GPC3: variants seen among roughly 807,000 people sequenced by gnomAD.
GPC3 encodes glypican-3.
A neutral mutation model predicts 34.4 loss-of-function variants in GPC3; 3 were observed. The ratio of observed to expected loss-of-function variants is 0.09; its 90% CI spans 0.04 to 0.23. The LOEUF is 0.23. GPC3 is among the 10% of genes least tolerant of loss of function. GPC3 has a pLI of 1.00. For missense variants in GPC3, 351 were observed against 445.6 expected (o/e 0.79, Z 1.91); for synonymous variants, 177 against 174.0 (o/e 1.02, Z -0.13).
intron 5 of GPC3, among the ~76,000 whole-genome samples, chrX:133,673,265 A>G (rs1417807537): frequency 2.7e-5 from 3 of 112,676 alleles, no homozygotes; most frequent in African/African-American, 9.7e-5. Context: ...GTTAGATTTT[A>G]ATTGATGAAA....
At chrX:133,745,162 A>T (rs886337350) in intron 3 of GPC3, among the ~76,000 whole-genome samples, 7 of 111,933 alleles carry the variant, frequency 6.3e-5, no homozygotes, top group African/African-American at 1.9e-4. Context: ...AAGTTTATTT[A>T]AAAAAAGGCA....
intron 7 of GPC3, among the ~76,000 whole-genome samples, chrX:133,587,147 T>G (rs1301581600): frequency 8.9e-6 from 1 of 112,089 alleles, no homozygotes; most frequent in East Asian, 2.8e-4. Context: ...CAACTTTTTT[T>G]AGTTTTCATA....
chrX:133,774,696 T>C (rs1454193093), intron 2 of GPC3, among the ~76,000 whole-genome samples: 1 of 111,967 alleles, frequency 8.9e-6, no homozygotes, highest in Admixed American at 9.5e-5. Flanking sequence ...ACAATGGCTC[T>C]ATATGGTAAG....
intron 2 of GPC3, among the ~76,000 whole-genome samples, chrX:133,849,569 T>C (rs376106723): frequency 2.7e-5 from 3 of 111,292 alleles, no homozygotes; most frequent in South Asian, 3.8e-4. Flanking sequence ...TTGGTAAGCT[T>C]CCCTTCGACC....
At chrX:133,719,561 T>C (rs1431530668) in intron 3 of GPC3, among the ~76,000 whole-genome samples, 1 of 111,267 alleles carries the variant, frequency 9.0e-6, no homozygotes, top group African/African-American at 3.3e-5. Context: ...TGCACCAGCA[T>C]GGCACATGTA....
intron 2 of GPC3, among the ~76,000 whole-genome samples, chrX:133,873,293 G>A (rs145279771): frequency 8.9e-6 from 1 of 111,848 alleles, no homozygotes; most frequent in South Asian, 3.7e-4. Context: ...ATTATCCTTC[G>A]GCATTCTTTT....
chrX:133,729,561 C>G (rs1318577952), intron 3 of GPC3, among the ~76,000 whole-genome samples: 1 of 111,859 alleles, frequency 8.9e-6, no homozygotes, highest in Non-Finnish European at 1.9e-5. Context: ...CAGGTGCTGG[C>G]TTTTTCATCT....
chrX:133,915,909 G>A (rs2076222097), intron 2 of GPC3, among the ~76,000 whole-genome samples: 1 of 110,982 alleles, frequency 9.0e-6, no homozygotes, highest in South Asian at 3.9e-4. Context: ...CCAGCACCTT[G>A]GGAGGTGGGT....
intron 2 of GPC3, among the ~76,000 whole-genome samples, chrX:133,903,568 G>A (rs181287559): frequency 0.057 from 6,341 of 112,108 alleles, 199 homozygotes; most frequent in Middle Eastern, 0.088. Context: ...CAGCCTGGGC[G>A]ACAAGAGCGA....
At chrX:133,739,054 C>T (rs1246867709) in intron 3 of GPC3, among the ~76,000 whole-genome samples, 1 of 111,079 alleles carries the variant, frequency 9.0e-6, no homozygotes, top group Non-Finnish European at 1.9e-5. Flanking sequence ...CTTAGTGTGC[C>T]TAATTTATAA....
chrX:133,928,400 A>C (rs1285496001), intron 2 of GPC3, among the ~76,000 whole-genome samples: 5 of 111,825 alleles, frequency 4.5e-5, no homozygotes, highest in Non-Finnish European at 1.9e-5. Flanking sequence ...GATATCTCTT[A>C]GACAGACTGA....
At chrX:133,765,476 G>C (rs1427978156) in intron 2 of GPC3, among the ~76,000 whole-genome samples, 1 of 111,921 alleles carries the variant, frequency 8.9e-6, no homozygotes, top group Non-Finnish European at 1.9e-5. Context: ...CATTCTGGTA[G>C]TGCCTTTATC....
At chrX:133,555,701 AC>A in intron 7 of GPC3, among the ~76,000 whole-genome samples, 1 of 110,284 alleles carries the variant, frequency 9.1e-6, no homozygotes, top group Admixed American at 9.6e-5. Context: ...GGTGGCATGC[AC>A]CTGTAGTCCT....
intron 1 of GPC3, among the ~76,000 whole-genome samples, chrX:133,956,718 C>T (rs954980369): frequency 8.9e-6 from 1 of 111,802 alleles, no homozygotes; most frequent in African/African-American, 3.2e-5. Flanking sequence ...GTTTATTTGG[C>T]AGGGTGACTG....
chrX:133,903,424 A>T (rs1445005449), intron 2 of GPC3, among the ~76,000 whole-genome samples: 1 of 109,568 alleles, frequency 9.1e-6, no homozygotes, highest in Non-Finnish European at 1.9e-5. Context: ...CGTCTCTACT[A>T]AAAAAAATGC....
At chrX:133,574,495 G>A (rs1431239325) in intron 7 of GPC3, among the ~76,000 whole-genome samples, 7 of 111,819 alleles carry the variant, frequency 6.3e-5, no homozygotes, top group African/African-American at 1.9e-4. Context: ...CAAAGATAAC[G>A]ACTGGTTCAA....
intron 6 of GPC3, among the ~76,000 whole-genome samples, chrX:133,658,980 T>C (rs1424721061): frequency 8.9e-6 from 1 of 111,743 alleles, no homozygotes; most frequent in African/African-American, 3.3e-5. Context: ...TCGCAGAAAG[T>C]ACTGGAACTC....
chrX:133,788,193 T>C (rs1171161971), intron 2 of GPC3, among the ~76,000 whole-genome samples: 1 of 99,494 alleles, frequency 1.0e-5, no homozygotes, highest in Non-Finnish European at 2.0e-5. Flanking sequence ...CATAATAAAC[T>C]CCCCTTATCC....
intron 2 of GPC3, among the ~76,000 whole-genome samples, chrX:133,810,721 G>C (rs1042179097): frequency 4.6e-5 from 5 of 109,056 alleles, no homozygotes; most frequent in Admixed American, 3.9e-4. Flanking sequence ...CTGGCTAACA[G>C]AGCGAAACCC....
Sources: gnomAD v4.1 joint callset for allele counts (sites outside exome capture counted in the v4.1 genomes callset) on GRCh38, gnomAD v4.1.1 for gene constraint, MANE v1.5 for transcripts, NCBI Gene and HGNC (gene_info 2026-07-23, HGNC 2026-07-21) for gene names.